The following PEX10 variants were observed in gnomAD, a reference collection of about 807,000 sequenced individuals.
The protein encoded by PEX10 is peroxisome biogenesis factor 10.
A neutral mutation model predicts 38.0 loss-of-function variants in PEX10; 32 were observed. The ratio of observed to expected loss-of-function variants is 0.84; its 90% CI spans 0.63 to 1.13. The LOEUF is 1.13. Ranked by LOEUF, PEX10 falls within the 50% of genes most tolerant of loss-of-function variation. The pLI is 0.00. For synonymous variants in PEX10, 206 were observed against 207.3 expected (o/e 0.99, Z 0.05); for missense variants, 483 against 457.7 (o/e 1.06, Z -0.51).
chr1:2,405,753 C>A lies in PEX10; in HGVS notation c.*13G>T, dbSNP rs1350288596. ...TAGAGGTCATCTGTGTCCAGGCCCA[C>A]CCGGGCGCCGGCTCAGCGGTAGTGC... On this transcript the variant is annotated 3_prime_UTR_variant, in exon 6 of 6. Coordinates refer to ENST00000447513, the MANE Select transcript of PEX10 (RefSeq NM_002617.4). 1 of 1,594,110 alleles carries A rather than the reference C, an allele frequency of 6.3e-7. No individual in the cohort carries two copies. The highest frequency in any genetic ancestry group is 8.5e-7 in the Non-Finnish European group (1 of 1,170,926).
At position 2,406,441 on chromosome 1, in the gene PEX10, C is replaced by T. The variant is rs534664201; in HGVS notation, c.912+43G>A. 3.5e-5 allele frequency: 56 copies of T among 1,605,224 alleles called. No homozygotes were observed. In the South Asian group the frequency reaches 5.7e-4, roughly 16 times the overall value. On this transcript the variant is annotated intron_variant, in intron 5 of 5. Coordinates refer to ENST00000447513, the MANE Select transcript of PEX10 (RefSeq NM_002617.4). ...TGCAGCCAGGTGCATCTTGCCGGCA[C>T]AGCCGCTGACCACCCCAGGACGGCA... is the stretch of plus-strand genomic sequence containing the variant.
At position 2,405,715 on chromosome 1, in the gene PEX10, G is replaced by T. The variant is rs778793845; in HGVS notation, c.*51C>A. On this transcript the variant is annotated 3_prime_UTR_variant, in exon 6 of 6. Transcript: ENST00000447513. The stretch of plus-strand genomic sequence containing the variant: ...GTTAATCCTGAGACTAAATCTTGGC[G>T]TTCAGACTCCCGTAGAGGTCATCTG... 6.8e-7 allele frequency: 1 copy of T among 1,470,462 alleles called. No individual in the cohort carries two copies. The highest frequency in any genetic ancestry group is 9.3e-7 in the Non-Finnish European group (1 of 1,069,726). The allele number at this position is 1,470,462 out of a possible 1,614,324, so 91.1% of individuals were successfully genotyped here.
rs374719922 is a variant in PEX10, at chr1:2,406,716, G to A, written c.776+4C>T. The A allele has an allele frequency of 2.5e-6, 4 of 1,608,506 alleles. No homozygotes were observed. Among genetic ancestry groups the A allele is most frequent in the African/African-American group, 1.3e-5 (1 of 74,978 alleles). On this transcript the variant is annotated splice_donor_region_variant and intron_variant, in intron 4 of 5. Transcript: ENST00000447513. The stretch of plus-strand genomic sequence containing the variant: ...CAGCCCCCATGTGTGGCCCCCGCAC[G>A]CACCTGCGGTGAGACAGGCCGCGGT...
rs1367685379 is a variant in PEX10, at chr1:2,412,474, T to G, written c.29A>C (p.Glu10Ala). 7.9e-6 allele frequency: 11 copies of G among 1,393,112 alleles called. No individual in the cohort carries two copies. The highest frequency in any genetic ancestry group is 3.2e-5 in the Admixed American group (1 of 31,644). 86.3% of individuals were successfully genotyped at this position (1,393,112 alleles called of 1,614,324 possible). MAPAAASPP[E>A]VIRAAQKDEY... is the part of the protein sequence containing the mutation. ...GTCCTTCTGCGCCGCGCGGATCACC[T>G]CCGGGGGGCTGGCGGCGGCCGGGGC... Residue 10 changes from glutamate to alanine, a missense_variant, in exon 1 of 6, where the codon GAG becomes GCG. Physicochemically the swap from Glu to Ala is moderately radical, Grantham distance 107. Transcript: ENST00000447513.
Position 2,405,881 on chromosome 1 carries a change from A to G in PEX10, c.913-47T>C, listed in dbSNP as rs748517055. On this transcript the variant is annotated intron_variant, in intron 5 of 5. Coordinates refer to ENST00000447513, the MANE Select transcript of PEX10 (RefSeq NM_002617.4). ...TCACAGCAGCTGGGGCCACTGGGCCATGCCCATCCCCATCGGCATTTCTTT... is the reference window on the plus strand; with the variant it reads ...TCACAGCAGCTGGGGCCACTGGGCCGTGCCCATCCCCATCGGCATTTCTTT... The G allele has an allele frequency of 9.8e-6, 14 of 1,429,672 alleles. No individual in the cohort carries two copies. In the South Asian group the frequency reaches 1.2e-4, roughly 12 times the overall value. The allele number at this position is 1,429,672 out of a possible 1,614,324, so 88.6% of individuals were successfully genotyped here.
chr1:2,405,902 T>G (rs551883360), intron 5 of PEX10, 68 bp from the exon 6 acceptor site: 1 of 1,202,666 alleles, frequency 8.3e-7, no homozygotes, highest in African/African-American at 1.5e-5. Context: ...CATCGGCATT[T>G]CTTTTCCTGT....
In PEX10 at chr1:2,410,934, G is replaced by T; in HGVS notation, c.113-483C>A. On this transcript the variant is annotated intron_variant, in intron 1 of 5. Coordinates refer to ENST00000447513, the MANE Select transcript of PEX10 (RefSeq NM_002617.4). The surrounding 1 kb of genome is among the most constrained non-coding windows in gnomAD (Gnocchi z 5.1). ...ACTGGGAACAGTGTCTGGCACAGGG[G>T]TAAGTGCCAAGTGTACTGTAAAACA... 4.4e-6 allele frequency: 2 copies of T among 453,482 alleles called. No homozygotes were observed. The highest frequency in any genetic ancestry group is 1.6e-5 in the South Asian group (1 of 64,468). The allele number at this position is 453,482 out of a possible 1,614,324, so 28.1% of individuals were successfully genotyped here. A position where few individuals can be genotyped will look rare whatever the true frequency, so the allele number is the denominator to read the frequency against.
Position 2,410,479 on chromosome 1 carries a change from G to C in PEX10, c.113-28C>G. 6.2e-7 allele frequency: 1 copy of C among 1,600,088 alleles called. No individual in the cohort carries two copies. The highest frequency in any genetic ancestry group is 8.6e-7 in the Non-Finnish European group (1 of 1,168,618). Reference sequence around the variant, plus strand: ...GAGAGGAGAAACAGTATTAGTCCGGGGGAGCTGGTGGGCATCCTCTGAGGA... The same window carrying C: ...GAGAGGAGAAACAGTATTAGTCCGGCGGAGCTGGTGGGCATCCTCTGAGGA... On this transcript the variant is annotated intron_variant, in intron 1 of 5. Coordinates refer to ENST00000447513, the MANE Select transcript of PEX10 (RefSeq NM_002617.4). This position sits in a 1 kb window ranked among gnomAD's most constrained non-coding sequence, Gnocchi z 5.1.
intron 3 of PEX10, among the ~76,000 whole-genome samples, chr1:2,408,149 G>A (rs1446386866): frequency 6.6e-6 from 1 of 152,152 alleles, no homozygotes; most frequent in Non-Finnish European, 1.5e-5. Context: ...GTGGTGAGGC[G>A]TGACCCGGGG....
intron 1 of PEX10, among the ~76,000 whole-genome samples, chr1:2,411,317 C>A (rs913517464): frequency 1.3e-5 from 2 of 148,964 alleles, no homozygotes; most frequent in Non-Finnish European, 3.0e-5. Context: ...CTTACTGCAA[C>A]CTCCGCCTCC....
chr1:2,405,868 G>C (rs1395232529), intron 5 of PEX10, 34 bp from the exon 6 acceptor site: 1 of 1,514,852 alleles, frequency 6.6e-7, no homozygotes, highest in East Asian at 2.4e-5. Context: ...ACAGCAGCTG[G>C]GGCCACTGGG....
In PEX10 at chr1:2,405,415, G is replaced by A. The variant is rs556526252; in HGVS notation, c.*351C>T. The A allele has an allele frequency of 5.4e-5, 23 of 423,070 alleles. No individual in the cohort carries two copies. The highest frequency in any genetic ancestry group is 2.3e-4 in the South Asian group (11 of 48,188). 26.2% of individuals were successfully genotyped at this position (423,070 alleles called of 1,614,324 possible). A position where few individuals can be genotyped will look rare whatever the true frequency, so the allele number is the denominator to read the frequency against. On this transcript the variant is annotated 3_prime_UTR_variant, in exon 6 of 6. Coordinates refer to ENST00000447513, the MANE Select transcript of PEX10 (RefSeq NM_002617.4). ...GGGGCTGTTTTCTCACAATATAAAC[G>A]AATAAAGTGTCTTCTGGCCTACTTC...
intron 2 of PEX10, 78 bp from the exon 3 acceptor site, chr1:2,408,936 C>G (rs889150573): frequency 7.1e-7 from 1 of 1,415,514 alleles, no homozygotes; most frequent in East Asian, 2.4e-5. Context: ...TGCCAGCCGA[C>G]CCTCTGCTGG....
chr1:2,413,348 C>T (rs1643351552), upstream of PEX10, among the ~76,000 whole-genome samples: 3 of 152,288 alleles, frequency 2.0e-5, no homozygotes, highest in Admixed American at 2.0e-4. Flanking sequence ...TGGGGAACCA[C>T]ATCGCAGGCG....
chr1:2,406,799 C>T lies in PEX10; in HGVS notation c.697G>A (p.Gly233Arg), dbSNP rs1643021920. The T allele has an allele frequency of 1.2e-6, 2 of 1,610,930 alleles. No individual in the cohort carries two copies. The highest frequency in any genetic ancestry group is 2.7e-5 in the African/African-American group (2 of 75,046). ...TGCCTGAAACCGTACAGCTGCAGCC[C>T]CATGGACAGCACCAGGTGCAGCAGT... is the stretch of plus-strand genomic sequence containing the variant. Reference protein sequence around the residue: ...ISLLHLVLSMGLQLYGFRQRQ... With the variant: ...ISLLHLVLSMRLQLYGFRQRQ... The change falls in exon 4 of 6, where the codon GGG becomes AGG. Residue 233 changes from glycine to arginine, a missense_variant. Coordinates refer to ENST00000447513, the MANE Select transcript of PEX10 (RefSeq NM_002617.4).
chr1:2,408,994 C>T (rs554353794), intron 2 of PEX10, 136 bp from the exon 3 acceptor site: 20 of 864,748 alleles, frequency 2.3e-5, no homozygotes, highest in East Asian at 5.3e-5. Context: ...ACTGTCACCC[C>T]GTGCTGGCTG....
Position 2,410,636 on chromosome 1 carries a change from G to A in PEX10, c.113-185C>T, listed in dbSNP as rs559655579. ...AGGCACCACCTTGACTTGCCTTAGCGTGAGCTGCAGACAGTCTGCGAAGAA... is the reference window on the plus strand; with the variant it reads ...AGGCACCACCTTGACTTGCCTTAGCATGAGCTGCAGACAGTCTGCGAAGAA... On this transcript the variant is annotated intron_variant, in intron 1 of 5. Coordinates refer to ENST00000447513, the MANE Select transcript of PEX10 (RefSeq NM_002617.4). The surrounding 1 kb of genome is among the most constrained non-coding windows in gnomAD (Gnocchi z 5.1). The A allele has an allele frequency of 1.1e-4, 73 of 652,288 alleles. 1 individual carries two copies. Among genetic ancestry groups the A allele is most frequent in the African/African-American group, 8.2e-4 (46 of 56,070 alleles). 40.4% of individuals were successfully genotyped at this position (652,288 alleles called of 1,614,324 possible).
rs1262908864 is a variant in PEX10 at position 2,409,470 on chromosome 1, C to T, written c.194-612G>A. On this transcript the variant is annotated intron_variant, in intron 2 of 5. Transcript: ENST00000447513. The surrounding 1 kb of genome is among the most constrained non-coding windows in gnomAD (Gnocchi z 6.2). ...AAGCCCAAGGGGCACCCTGCATGCA[C>T]CTTCCCTGTGTGTTCCACCCCCTCG... 6.6e-6 allele frequency among the ~76,000 whole-genome samples: 1 copy of T among 152,138 alleles called. No individual in the cohort carries two copies. The highest frequency in any genetic ancestry group is 1.9e-4 in the East Asian group (1 of 5,186).
rs764918823 is a variant in PEX10, at chr1:2,408,691, GGTCA to G, written c.357_360del (p.Asp120ProfsTer32). 6.2e-7 allele frequency: 1 copy of G among 1,613,170 alleles called. No homozygotes were observed. The highest frequency in any genetic ancestry group is 1.7e-5 in the Admixed American group (1 of 59,952). ...CCCTGCAAGGGTCGCCCACTGTCGG[GGTCA>G]GCCTGCAGCTCCTGCTCCAGGGGGA... On this transcript the variant is annotated frameshift_variant, in exon 3 of 6. Coordinates refer to ENST00000447513, the MANE Select transcript of PEX10 (RefSeq NM_002617.4). LOFTEE classifies it high-confidence loss of function.
Sources: allele counts gnomAD v4.1 joint callset (sites outside exome capture counted in the v4.1 genomes callset), GRCh38; gene constraint gnomAD v4.1.1; non-coding constraint Gnocchi (gnomAD v3.1); transcripts MANE v1.5; gene names NCBI Gene and HGNC (gene_info 2026-07-23, HGNC 2026-07-21).